RGS5: variants seen among roughly 807,000 people sequenced by gnomAD.
The protein encoded by RGS5 is regulator of G-protein signalling 5.
RGS5 carries 20 observed loss-of-function variants against 18.9 expected under a neutral mutation model. That is an observed-to-expected ratio of 1.06 (90% confidence interval 0.74 to 1.54). RGS5 has a LOEUF of 1.54. Among genes scored for constraint, RGS5 ranks in the 40% most tolerant of loss-of-function variants. The pLI is 0.00. For missense variants in RGS5, 201 were observed against 211.8 expected (o/e 0.95, Z 0.32); for synonymous variants, 57 against 76.2 (o/e 0.75, Z 1.31).
chr1:163,177,757 A>G (rs1658619549), intron 1 of RGS5, among the ~76,000 whole-genome samples: 1 of 152,248 alleles, frequency 6.6e-6, no homozygotes, highest in African/African-American at 2.4e-5. Flanking sequence ...TAGCTTAAAT[A>G]CATATTAATG....
At chr1:163,307,943 T>C (rs887896853) in intron 1 of RGS5, among the ~76,000 whole-genome samples, 2 of 152,190 alleles carry the variant, frequency 1.3e-5, no homozygotes, top group African/African-American at 4.8e-5. Context: ...AGAAATGAGA[T>C]AGAAACTTAC....
chr1:163,188,397 G>T (rs993209216), intron 1 of RGS5, among the ~76,000 whole-genome samples: 2 of 152,140 alleles, frequency 1.3e-5, no homozygotes, highest in African/African-American at 4.8e-5. Flanking sequence ...CAGAACAACA[G>T]AACTACCTGT....
At chr1:163,275,254 G>A (rs1648823722) in intron 2 of RGS5, among the ~76,000 whole-genome samples, 1 of 152,114 alleles carries the variant, frequency 6.6e-6, no homozygotes, top group Non-Finnish European at 1.5e-5. Flanking sequence ...GCCCATTCCA[G>A]TCCCTGCTAC....
chr1:163,196,843 C>G (rs1422696480), intron 1 of RGS5, among the ~76,000 whole-genome samples: 1 of 152,136 alleles, frequency 6.6e-6, no homozygotes, highest in Non-Finnish European at 1.5e-5. Context: ...AATGTCAACA[C>G]TGATACTGTT....
chr1:163,173,634 T>C (rs1009730313), intron 1 of RGS5, among the ~76,000 whole-genome samples: 1 of 152,244 alleles, frequency 6.6e-6, no homozygotes, highest in Admixed American at 6.5e-5. Flanking sequence ...ACCAATTATA[T>C]ATAAAATCTT....
rs571961270 is a variant in RGS5, at chr1:163,255,544, T to A, written c.-281+50689A>T. ...TTCTACCAGAGGTACAAGGAGGAAC[T>A]GGTACCATTCCTTCTGAAACTATTC... On this transcript the variant is annotated intron_variant, in intron 2 of 5. Transcript: ENST00000618415. Among the ~76,000 whole-genome samples the A allele has an allele frequency of 2.1e-3, 326 of 151,678 alleles. 1 individual carries two copies. Among genetic ancestry groups the A allele is most frequent in the African/African-American group, 7.7e-3 (320 of 41,346 alleles).
intron 1 of RGS5, among the ~76,000 whole-genome samples, chr1:163,181,189 C>T (rs985053612): frequency 1.3e-5 from 2 of 152,188 alleles, no homozygotes; most frequent in Admixed American, 1.3e-4. Context: ...ACCATATCTA[C>T]TTCAAACATC....
intron 2 of RGS5, among the ~76,000 whole-genome samples, chr1:163,290,405 T>C (rs1321658871): frequency 6.6e-6 from 1 of 152,254 alleles, no homozygotes; most frequent in African/African-American, 2.4e-5. Context: ...AAACAATATC[T>C]GACCATTGTT....
At chr1:163,153,580 A>C (rs910924399) in intron 3 of RGS5, among the ~76,000 whole-genome samples, 13 of 152,126 alleles carry the variant, frequency 8.5e-5, no homozygotes, top group African/African-American at 2.6e-4. Flanking sequence ...TTTCCAGTGT[A>C]CAATTGCTCA....
At chr1:163,305,277 T>C (rs1649664917) in intron 2 of RGS5, 1 of 152,722 alleles carries the variant, frequency 6.5e-6, no homozygotes, top group South Asian at 2.1e-4. Context: ...GGAATGGCTG[T>C]GTGCTGTCCT....
chr1:163,206,216 C>T (rs943825302), upstream of RGS5, among the ~76,000 whole-genome samples: 10 of 152,152 alleles, frequency 6.6e-5, no homozygotes, highest in African/African-American at 2.2e-4. Flanking sequence ...TATAGTCCTG[C>T]TGAACCTGCT....
At position 163,168,330 on chromosome 1, in the gene RGS5, TGGA is replaced by T; in HGVS notation, c.80_82del (p.Leu27del). Reference sequence around the variant, plus strand: ...AAGGTCACCAACTGAGTCTGGCTTCTGGAGGAGAATTCCCAACTTGATCTTAAT... The same window carrying T: ...AAGGTCACCAACTGAGTCTGGCTTCTGGAGAATTCCCAACTTGATCTTAAT... On this transcript the variant is annotated inframe_deletion, in exon 2 of 5. Coordinates refer to ENST00000313961, the MANE Select transcript of RGS5 (RefSeq NM_003617.4). 4.3e-6 allele frequency: 7 copies of T among 1,613,930 alleles called. No individual in the cohort carries two copies. The highest frequency in any genetic ancestry group is 5.1e-6 in the Non-Finnish European group (6 of 1,179,844).
At chr1:163,270,916 A>C (rs546572230) in intron 2 of RGS5, among the ~76,000 whole-genome samples, 72 of 152,266 alleles carry the variant, frequency 4.7e-4, no homozygotes, top group African/African-American at 1.7e-3. Context: ...GGTCTTTCCC[A>C]TTCCTTGGGG....
intron 2 of RGS5, among the ~76,000 whole-genome samples, chr1:163,274,351 C>T (rs1648798182): frequency 6.6e-6 from 1 of 152,184 alleles, no homozygotes; most frequent in South Asian, 2.1e-4. Context: ...CAATAAGATA[C>T]AGAGAGCTTC....
chr1:163,258,631 T>G (rs1414311885), intron 2 of RGS5, among the ~76,000 whole-genome samples: 1 of 151,398 alleles, frequency 6.6e-6, no homozygotes, highest in Non-Finnish European at 1.5e-5. Context: ...AGGAAAATGC[T>G]AAAGTAAGTG....
chr1:163,197,568 C>T (rs1340848958), intron 1 of RGS5, among the ~76,000 whole-genome samples: 3 of 152,054 alleles, frequency 2.0e-5, no homozygotes, highest in African/African-American at 7.2e-5. Context: ...ATCCATATGC[C>T]TAAGGCAAGT....
At chr1:163,228,449 G>A (rs1571305497) in intron 2 of RGS5, among the ~76,000 whole-genome samples, 1 of 152,274 alleles carries the variant, frequency 6.6e-6, no homozygotes, top group South Asian at 2.1e-4. Context: ...GGGATGCAGG[G>A]CACCAAGTCC....
intron 3 of RGS5, among the ~76,000 whole-genome samples, chr1:163,154,042 C>A (rs1459538046): frequency 6.6e-6 from 1 of 152,138 alleles, no homozygotes; most frequent in Non-Finnish European, 1.5e-5. Context: ...ATTATTGTCA[C>A]CAGTACTTTA....
At chr1:163,252,006 C>A (rs548231499) in intron 2 of RGS5, among the ~76,000 whole-genome samples, 2 of 152,132 alleles carry the variant, frequency 1.3e-5, no homozygotes, top group African/African-American at 4.8e-5. Flanking sequence ...TTTCATTTTT[C>A]TGAGATTAAC....
Sources: gnomAD v4.1 joint callset for allele counts (sites outside exome capture counted in the v4.1 genomes callset) on GRCh38, gnomAD v4.1.1 for gene constraint, MANE v1.5 for transcripts, NCBI Gene and HGNC (gene_info 2026-07-23, HGNC 2026-07-21) for gene names.